Variants in KIAA0232 observed in about 807,000 individuals in gnomAD.
The protein encoded by KIAA0232 is KIAA0232, also known as uncharacterized protein KIAA0232.
Under a neutral mutation model 122.0 loss-of-function variants are expected in KIAA0232, and 27 were observed. The ratio of observed to expected loss-of-function variants is 0.22; its 90% CI spans 0.16 to 0.31. The LOEUF (loss-of-function observed/expected upper bound fraction) is 0.31. Ranked by LOEUF, KIAA0232 falls within the 10% of genes least tolerant of loss-of-function variation. The pLI is 1.00. For missense variants in KIAA0232, 1,551 were observed against 1,634.2 expected (o/e 0.95, Z 0.88); for synonymous variants, 613 against 587.6 (o/e 1.04, Z -0.63).
intron 1 of KIAA0232, among the ~76,000 whole-genome samples, chr4:6,792,021 T>C (rs975724073): frequency 9.9e-5 from 15 of 152,186 alleles, no homozygotes; most frequent in African/African-American, 2.2e-4. Context: ...ACTGTCACCA[T>C]CCATGTAAGA....
chr4:6,869,655 G>A (rs1314541273), intron 7 of KIAA0232, among the ~76,000 whole-genome samples: 1 of 152,214 alleles, frequency 6.6e-6, no homozygotes, highest in Non-Finnish European at 1.5e-5. Context: ...ACTGCTGTGG[G>A]TAGACAGTAC....
chr4:6,797,567 C>T lies in KIAA0232; in HGVS notation c.-353-6956C>T, dbSNP rs573467419. ...GGAGGATCGCTTGAGCCCAGGAATT[C>T]GAGACCAGCCTGGGCAACATAGCAA... is the stretch of plus-strand genomic sequence containing the variant. On this transcript the variant is annotated intron_variant, in intron 1 of 9. Transcript: ENST00000307659. 1.1e-3 allele frequency among the ~76,000 whole-genome samples: 161 copies of T among 146,684 alleles called. 1 individual carries two copies. In the Middle Eastern group the frequency reaches 0.017, roughly 16 times the overall value.
At chr4:6,856,452 G>C (rs982728143) in intron 4 of KIAA0232, among the ~76,000 whole-genome samples, 29 of 152,154 alleles carry the variant, frequency 1.9e-4, no homozygotes, top group African/African-American at 6.0e-4. Flanking sequence ...TTATTTGCTT[G>C]TGCCTGTTTT....
At chr4:6,802,324 G>A (rs1246665729) in intron 1 of KIAA0232, among the ~76,000 whole-genome samples, 2 of 152,206 alleles carry the variant, frequency 1.3e-5, no homozygotes, top group African/African-American at 4.8e-5. Context: ...GCAGTTCTCT[G>A]TAGCCACAGC....
intron 4 of KIAA0232, among the ~76,000 whole-genome samples, chr4:6,854,216 G>A (rs1720453704): frequency 6.6e-6 from 1 of 152,148 alleles, no homozygotes; most frequent in Non-Finnish European, 1.5e-5. Context: ...AAGGTGACAG[G>A]GACTCTGGAT....
intron 2 of KIAA0232, among the ~76,000 whole-genome samples, chr4:6,805,816 G>A (rs1717590180): frequency 6.6e-6 from 1 of 152,008 alleles, no homozygotes; most frequent in Non-Finnish European, 1.5e-5. Context: ...TTCCAAGTAA[G>A]CTTAGGGTTT....
intron 1 of KIAA0232, among the ~76,000 whole-genome samples, chr4:6,795,709 C>T (rs1181469272): frequency 1.3e-5 from 2 of 152,334 alleles, no homozygotes; most frequent in Admixed American, 1.3e-4. Context: ...CCTCCCATTT[C>T]AGCCTCCTGA....
In KIAA0232 at chr4:6,863,401, A is replaced by G. The variant is rs978008306; in HGVS notation, c.3019A>G (p.Asn1007Asp). 2.5e-6 allele frequency: 4 copies of G among 1,614,004 alleles called. No individual in the cohort carries two copies. The highest frequency in any genetic ancestry group is 2.2e-5 in the East Asian group (1 of 44,888). The change falls in exon 7 of 10, where the codon AAT (asparagine) becomes GAT (aspartate). Residue 1007 changes from asparagine to aspartate, a missense_variant. Around this residue, in one of 5 missense-constraint regions of KIAA0232, gnomAD observed 1,108 missense variants for 1,154.8 expected, o/e 0.96. Transcript: ENST00000307659. ...EQNDQPKSGE[N>D]GLNKGFSFIF... ...GAATGATCAGCCGAAGAGTGGGGAA[A>G]ATGGGTTAAATAAGGGATTTTCTTT...
At chr4:6,804,668 G>A (rs1717535249) in intron 2 of KIAA0232, 62 bp downstream of exon 2, 1 of 152,128 alleles carries the variant, frequency 6.6e-6, no homozygotes, top group South Asian at 2.1e-4. Flanking sequence ...CCATATAAAA[G>A]GGAATACTAA....
chr4:6,790,020 C>A (rs541988003), intron 1 of KIAA0232, among the ~76,000 whole-genome samples: 24 of 151,810 alleles, frequency 1.6e-4, no homozygotes, highest in Non-Finnish European at 2.9e-4. Context: ...CTGAGCGAGA[C>A]CCTGTCTCAA....
chr4:6,865,596 C>T (rs979685290), intron 7 of KIAA0232, among the ~76,000 whole-genome samples: 5 of 152,220 alleles, frequency 3.3e-5, no homozygotes, highest in South Asian at 2.1e-4. Context: ...CCACCGCGTC[C>T]GGCCCAGCTT....
chr4:6,835,164 T>A (rs576797120), intron 3 of KIAA0232, among the ~76,000 whole-genome samples: 1 of 152,266 alleles, frequency 6.6e-6, no homozygotes, highest in African/African-American at 2.4e-5. Context: ...CAGAGCCTCT[T>A]CATGTGGGTC....
Position 6,824,594 on chromosome 4 carries a change from C to G in KIAA0232, c.141C>G (p.Leu47=), listed in dbSNP as rs569217827. 1 of 1,614,144 alleles carries G rather than the reference C, an allele frequency of 6.2e-7. No individual in the cohort carries two copies. Among genetic ancestry groups the G allele is most frequent in the African/African-American group, 1.3e-5 (1 of 75,042 alleles). The change falls in exon 3 of 10, where the codon CTC becomes CTG. Residue 47 remains leucine, a synonymous_variant. Transcript: ENST00000307659. ...GPVQTWLGQE[L]EKCGIDAMIY... ...TGCAGACCTGGCTGGGACAAGAGCT[C>G]GAGAAATGTGGCATTGATGCCATGA... is the stretch of plus-strand genomic sequence containing the variant.
chr4:6,852,443 C>T (rs1254838625), intron 4 of KIAA0232, among the ~76,000 whole-genome samples: 1 of 152,036 alleles, frequency 6.6e-6, no homozygotes, highest in African/African-American at 2.4e-5. Context: ...GGAATTGATC[C>T]TTTGCTTTCC....
chr4:6,844,538 C>T (rs975916700), intron 4 of KIAA0232, among the ~76,000 whole-genome samples: 2 of 151,784 alleles, frequency 1.3e-5, no homozygotes, highest in African/African-American at 2.4e-5. Context: ...TGGGTTCAAG[C>T]GATTCTCCTG....
chr4:6,794,454 G>A (rs186259829), intron 1 of KIAA0232, among the ~76,000 whole-genome samples: 68 of 152,266 alleles, frequency 4.5e-4, no homozygotes, highest in Admixed American at 3.3e-3. Context: ...GGCTGCACAC[G>A]GTCCTGTCCT....
At position 6,881,269 on chromosome 4, in the gene KIAA0232, G is replaced by T; in HGVS notation, c.*303G>T. ...TATCACTGCTTTTTGCATCTTAACT[G>T]CAGTTAATTTTCCTTCCGACTGCGG... On this transcript the variant is annotated 3_prime_UTR_variant, in exon 10 of 10. Coordinates refer to ENST00000307659, the MANE Select transcript of KIAA0232 (RefSeq NM_014743.3). 4.5e-6 allele frequency: 1 copy of T among 224,278 alleles called. No homozygotes were observed. The highest frequency in any genetic ancestry group is 8.7e-6 in the Non-Finnish European group (1 of 115,494). 13.9% of individuals were successfully genotyped at this position (224,278 alleles called of 1,614,324 possible). A position where few individuals can be genotyped will look rare whatever the true frequency, so the allele number is the denominator to read the frequency against.
At chr4:6,846,966 C>T (rs1267518606) in intron 4 of KIAA0232, among the ~76,000 whole-genome samples, 1 of 152,122 alleles carries the variant, frequency 6.6e-6, no homozygotes, top group East Asian at 1.9e-4. Context: ...CTCAGTACAG[C>T]TCTTTAGACA....
chr4:6,871,454 CAAAA>C (rs1190192647), intron 7 of KIAA0232, 116 bp from the exon 8 acceptor site: 1 of 616,704 alleles, frequency 1.6e-6, no homozygotes. Context: ...AAAGAAAAAT[CAAAA>C]AACCTCACCA....
Sources: allele counts gnomAD v4.1 joint callset (sites outside exome capture counted in the v4.1 genomes callset), GRCh38; gene constraint gnomAD v4.1.1; regional missense constraint gnomAD v4.1.1; transcripts MANE v1.5; gene names NCBI Gene and HGNC (gene_info 2026-07-23, HGNC 2026-07-21).